The following DCC variants were observed in gnomAD, a reference collection of about 807,000 sequenced individuals.
The protein encoded by DCC is DCC netrin 1 receptor, also known as netrin receptor DCC.
Under a neutral mutation model 172.5 loss-of-function variants are expected in DCC, and 58 were observed. The ratio of observed to expected loss-of-function variants is 0.34; its 90% CI spans 0.27 to 0.42. The LOEUF (loss-of-function observed/expected upper bound fraction) is 0.42. Among genes scored for constraint, DCC ranks in the 10% least tolerant of loss-of-function variants. The pLI is 1.00. For missense variants in DCC, 1,740 were observed against 1,791.0 expected (o/e 0.97, Z 0.51); for synonymous variants, 709 against 644.5 (o/e 1.10, Z -1.52).
intron 5 of DCC, among the ~76,000 whole-genome samples, chr18:53,051,015 A>G (rs1406380678): frequency 6.6e-6 from 1 of 152,106 alleles, no homozygotes; most frequent in Non-Finnish European, 1.5e-5. Context: ...GGACTGCTTG[A>G]GCCCAGAAGT....
At chr18:53,463,029 C>A (rs187381093) in intron 24 of DCC, among the ~76,000 whole-genome samples, 1 of 152,238 alleles carries the variant, frequency 6.6e-6, no homozygotes, top group Non-Finnish European at 1.5e-5. Flanking sequence ...AACAGGCTTT[C>A]GCCTGGGGAG....
intron 2 of DCC, among the ~76,000 whole-genome samples, chr18:52,871,871 C>T (rs957155964): frequency 6.6e-6 from 1 of 152,156 alleles, no homozygotes; most frequent in African/African-American, 2.4e-5. Flanking sequence ...TCTCATTAAT[C>T]AAGATTTTGC....
chr18:52,841,201 C>G (rs557243327), intron 2 of DCC, among the ~76,000 whole-genome samples: 2 of 151,984 alleles, frequency 1.3e-5, no homozygotes, highest in Admixed American at 6.6e-5. Context: ...CCAGAAAAAT[C>G]TGGGACCTTG....
At chr18:52,601,105 A>G (rs1383349989) in intron 1 of DCC, among the ~76,000 whole-genome samples, 2 of 152,144 alleles carry the variant, frequency 1.3e-5, no homozygotes, top group Non-Finnish European at 2.9e-5. Flanking sequence ...CAAAGGCAGA[A>G]TTATCTAAGT....
chr18:52,950,927 C>A (rs2040633348), intron 5 of DCC, among the ~76,000 whole-genome samples: 2 of 48,204 alleles, frequency 4.1e-5, no homozygotes, highest in Non-Finnish European at 3.5e-5. Context: ...GAGACTCCGT[C>A]TCAAAAAAAA....
intron 1 of DCC, among the ~76,000 whole-genome samples, chr18:52,564,591 A>T (rs1314736862): frequency 2.0e-5 from 3 of 148,656 alleles, no homozygotes; most frequent in African/African-American, 7.4e-5. Flanking sequence ...AGAAGGAAAC[A>T]ACTCTTCCAA....
chr18:53,304,603 C>A (rs56291455), intron 12 of DCC, among the ~76,000 whole-genome samples: 57,040 of 151,856 alleles, frequency 0.38, 11,471 homozygotes, highest in East Asian at 0.6. Flanking sequence ...GCTACCAACA[C>A]CTCCAAGGTC....
intron 5 of DCC, among the ~76,000 whole-genome samples, chr18:53,029,131 A>G (rs1167231063): frequency 1.3e-5 from 2 of 151,898 alleles, no homozygotes; most frequent in Non-Finnish European, 2.9e-5. Context: ...CATATGAGCC[A>G]TATTTTGTCT....
intron 27 of DCC, among the ~76,000 whole-genome samples, chr18:53,526,096 T>C (rs900118050): frequency 1.3e-5 from 2 of 151,342 alleles, no homozygotes; most frequent in Non-Finnish European, 2.9e-5. Flanking sequence ...ACATCTTTTT[T>C]GTTCCAAAAT....
chr18:53,266,371 T>A (rs1401603876), intron 12 of DCC, among the ~76,000 whole-genome samples: 1 of 152,120 alleles, frequency 6.6e-6, no homozygotes, highest in Non-Finnish European at 1.5e-5. Context: ...ACTTAATACA[T>A]TTTTTTATTA....
chr18:53,388,855 G>A (rs1908357257), intron 16 of DCC, among the ~76,000 whole-genome samples: 1 of 152,112 alleles, frequency 6.6e-6, no homozygotes, highest in Non-Finnish European at 1.5e-5. Flanking sequence ...TGCAGTCATG[G>A]CTCACTGTAG....
chr18:53,497,882 C>T (rs1041182031), intron 26 of DCC, among the ~76,000 whole-genome samples: 1 of 152,176 alleles, frequency 6.6e-6, no homozygotes, highest in South Asian at 2.1e-4. Flanking sequence ...TCTTCAAACT[C>T]CTTGGGATTC....
At chr18:52,553,999 T>A (rs994714818) in intron 1 of DCC, among the ~76,000 whole-genome samples, 4 of 152,060 alleles carry the variant, frequency 2.6e-5, no homozygotes, top group African/African-American at 9.7e-5. Flanking sequence ...CTGTACCATT[T>A]GAAAAAGTTA....
intron 1 of DCC, among the ~76,000 whole-genome samples, chr18:52,523,714 A>G (rs2031891953): frequency 6.6e-6 from 1 of 152,218 alleles, no homozygotes; most frequent in South Asian, 2.1e-4. Context: ...CAAATTGTGA[A>G]TTATGCATTA....
chr18:53,529,668 C>T lies in DCC; in HGVS notation c.4255-896C>T, dbSNP rs1253206606. 2.6e-5 allele frequency among the ~76,000 whole-genome samples: 4 copies of T among 152,162 alleles called. No homozygotes were observed. In the East Asian group the frequency reaches 7.7e-4, roughly 29 times the overall value. ...AGGACTGGGATTCAAATCAGTTTCA[C>T]ATCTTATTTCCCCATCTGGCTAACT... On this transcript the variant is annotated intron_variant, in intron 28 of 28. Transcript: ENST00000442544.
intron 15 of DCC, among the ~76,000 whole-genome samples, chr18:53,370,606 T>C (rs1486753515): frequency 6.6e-6 from 1 of 151,910 alleles, no homozygotes; most frequent in African/African-American, 2.4e-5. Flanking sequence ...CCATGTATTT[T>C]CTAATTTCCT....
chr18:53,311,565 A>C (rs964022192), intron 13 of DCC, among the ~76,000 whole-genome samples: 1 of 152,208 alleles, frequency 6.6e-6, no homozygotes, highest in Non-Finnish European at 1.5e-5. Flanking sequence ...GCGTGTTGTC[A>C]TCTTTAGTTC....
At chr18:52,730,522 C>T (rs2036622324) in intron 1 of DCC, among the ~76,000 whole-genome samples, 1 of 152,122 alleles carries the variant, frequency 6.6e-6, no homozygotes, top group South Asian at 2.1e-4. Flanking sequence ...AGTATGTGAA[C>T]TATTGCAGAT....
At chr18:52,862,072 A>T (rs897844095) in intron 2 of DCC, among the ~76,000 whole-genome samples, 47 of 152,160 alleles carry the variant, frequency 3.1e-4, no homozygotes, top group African/African-American at 1.1e-3. Context: ...TAGGAATCTC[A>T]TACAGTATTA....
Sources: allele counts gnomAD v4.1 joint callset (sites outside exome capture counted in the v4.1 genomes callset), GRCh38; gene constraint gnomAD v4.1.1; transcripts MANE v1.5; gene names NCBI Gene and HGNC (gene_info 2026-07-23, HGNC 2026-07-21).